The following NPL variants were observed in gnomAD, a reference collection of about 807,000 sequenced individuals.
NPL encodes N-acetylneuraminate lyase.
NPL carries 32 observed loss-of-function variants against 41.1 expected under a neutral mutation model. That is an observed-to-expected ratio of 0.78 (90% CI 0.59 to 1.05). The LOEUF (loss-of-function observed/expected upper bound fraction) is 1.05, where lower values mean the gene tolerates loss of function less well. Ranked by LOEUF, NPL falls within the 50% of genes least tolerant of loss-of-function variation. The pLI is 0.00. For missense variants in NPL, 321 were observed against 378.4 expected (o/e 0.85, Z 1.26); for synonymous variants, 128 against 134.9 (o/e 0.95, Z 0.35).
rs1026929823 is a variant in NPL at position 182,829,637 on chromosome 1, G to C, written c.*729G>C. On this transcript the variant is annotated 3_prime_UTR_variant, in exon 13 of 13. Coordinates refer to ENST00000367553, the MANE Select transcript of NPL (RefSeq NM_030769.3). ...AACTCAAAGTTTCAAAGAACCAAAG[G>C]ACTCTTCCTCTGGGCACCACAAACT... The C allele has an allele frequency of 6.4e-7, 1 of 1,550,448 alleles. No homozygotes were observed. Among genetic ancestry groups the C allele is most frequent in the African/African-American group, 1.4e-5 (1 of 73,028 alleles).
At chr1:182,816,484 G>A (rs1224353163) in intron 7 of NPL, among the ~76,000 whole-genome samples, 1 of 152,124 alleles carries the variant, frequency 6.6e-6, no homozygotes, top group African/African-American at 2.4e-5. Flanking sequence ...AGTTTAGTAT[G>A]GTAGGAGAAT....
intron 11 of NPL, among the ~76,000 whole-genome samples, chr1:182,824,831 C>T (rs1667589605): frequency 6.6e-6 from 1 of 151,970 alleles, no homozygotes; most frequent in Non-Finnish European, 1.5e-5. Flanking sequence ...TTAAAAGATG[C>T]ATGAGGCTCT....
intron 2 of NPL, among the ~76,000 whole-genome samples, chr1:182,793,842 G>A (rs1411560626): frequency 6.6e-6 from 1 of 152,134 alleles, no homozygotes; most frequent in East Asian, 1.9e-4. Context: ...GAAGTGTGCA[G>A]GTCCATTTAC....
intron 7 of NPL, 89 bp downstream of exon 7, chr1:182,814,947 T>A: frequency 9.5e-7 from 1 of 1,055,782 alleles, no homozygotes; most frequent in Non-Finnish European, 1.5e-6. Context: ...TTTGTGAAAG[T>A]AAAGCACTAT....
chr1:182,814,916 A>G, intron 7 of NPL, 58 bp downstream of exon 7: 2 of 1,345,050 alleles, frequency 1.5e-6, no homozygotes, highest in East Asian at 2.3e-5. Flanking sequence ...TCTTGCCTCC[A>G]TTCAAAATGG....
At chr1:182,807,720 CAA>C (rs753955697) in intron 5 of NPL, among the ~76,000 whole-genome samples, 51 of 55,436 alleles carry the variant, frequency 9.2e-4, no homozygotes, top group African/African-American at 2.4e-3. Flanking sequence ...ACTAAAAATA[CAA>C]AAAAAAAAAA....
In NPL at chr1:182,816,799, G is replaced by A. The variant is rs753787767; in HGVS notation, c.450G>A (p.Gly150=). 4 of 1,610,090 alleles carry A rather than the reference G, an allele frequency of 2.5e-6. No homozygotes were observed. Among genetic ancestry groups the A allele is most frequent in the South Asian group, 2.2e-5 (2 of 91,018 alleles). ...ACTATCACATTCCTGCCTTGACAGG[G>A]GTAAAGAGTAAGTACTGCTTCTGTT... ...FYYYHIPALT[G]VKIRAEELLD... is the part of the protein sequence containing the mutation. The change falls in exon 8 of 13, where the codon GGG becomes GGA. Residue 150 remains glycine (G), a synonymous_variant. Coordinates refer to ENST00000367553, the MANE Select transcript of NPL (RefSeq NM_030769.3).
At position 182,829,810 on chromosome 1, in the gene NPL, G is replaced by A; in HGVS notation, c.*902G>A. 3.1e-6 allele frequency: 2 copies of A among 636,130 alleles called. No homozygotes were observed. Among genetic ancestry groups the A allele is most frequent in the East Asian group, 2.8e-5 (1 of 36,024 alleles). 39.4% of individuals were successfully genotyped at this position (636,130 alleles called of 1,614,324 possible). On this transcript the variant is annotated 3_prime_UTR_variant, in exon 13 of 13. Coordinates refer to ENST00000367553, the MANE Select transcript of NPL (RefSeq NM_030769.3). ...TAGTGACTTTTGTTTAGTGATAGAA[G>A]ATTTGGGGAGGACCCAAAGGACTCA...
chr1:182,827,034 T>C (rs1667649125), intron 12 of NPL: 1 of 152,186 alleles, frequency 6.6e-6, no homozygotes, highest in Non-Finnish European at 1.5e-5. Flanking sequence ...AGTCTCTCTG[T>C]CTGTCTCTCA....
rs1480586178 is a variant in NPL at position 182,806,218 on chromosome 1, A to G, written c.216A>G (p.Thr72=). 6.2e-7 allele frequency: 1 copy of G among 1,614,196 alleles called. No individual in the cohort carries two copies. Among genetic ancestry groups the G allele is most frequent in the South Asian group, 1.1e-5 (1 of 91,084 alleles). ...ERRQVAEEWV[T]KGKDKLDQVI... Reference sequence around the variant, plus strand: ...GCCAGGTTGCAGAGGAGTGGGTGACAAAAGGGAAGGACAAGTGAGTGGCTG... The same window carrying G: ...GCCAGGTTGCAGAGGAGTGGGTGACGAAAGGGAAGGACAAGTGAGTGGCTG... Residue 72 remains threonine, a synonymous_variant, in exon 5 of 13, where the codon ACA becomes ACG. Coordinates refer to ENST00000367553, the MANE Select transcript of NPL (RefSeq NM_030769.3).
At chr1:182,816,691 G>A (rs1351236998) in intron 7 of NPL, 23 bp from the exon 8 acceptor site, 1 of 1,560,392 alleles carries the variant, frequency 6.4e-7, no homozygotes. Flanking sequence ...TTCACACCAT[G>A]ACTGTTCCTA....
intron 2 of NPL, 135 bp from the exon 3 acceptor site, chr1:182,794,221 A>G (rs1293323555): frequency 1.2e-6 from 1 of 816,230 alleles, no homozygotes; most frequent in African/African-American, 1.7e-5. Context: ...AAATTTTACC[A>G]TCTTGTACTT....
Position 182,828,654 on chromosome 1 carries a change from CCTT to C in NPL, c.779-66_779-64del, listed in dbSNP as rs1667691515. 6.2e-7 allele frequency: 1 copy of C among 1,605,302 alleles called. No homozygotes were observed. Among genetic ancestry groups the C allele is most frequent in the East Asian group, 2.2e-5 (1 of 44,774 alleles). On this transcript the variant is annotated intron_variant, in intron 12 of 12. Coordinates refer to ENST00000367553, the MANE Select transcript of NPL (RefSeq NM_030769.3). This position sits in a 1 kb window ranked among gnomAD's most constrained non-coding sequence, Gnocchi z 4.0. Reference sequence around the variant, plus strand: ...AGTAGTTGCTGTTAGCATATGATCTCCTTCTTTGGGATTTTTGTGGAGAGATAG... The same window carrying C: ...AGTAGTTGCTGTTAGCATATGATCTCCTTTGGGATTTTTGTGGAGAGATAG...
intron 3 of NPL, among the ~76,000 whole-genome samples, chr1:182,797,034 C>CAAAAAAAAAAAAAAAAA (rs59582125): frequency 1.0e-5 from 1 of 96,018 alleles, no homozygotes; most frequent in African/African-American, 3.6e-5. Context: ...GAATATGTCT[C>CAAAAAAAAAAAAAAAAA]AAAAAAAAAA....
chr1:182,825,723 A>T (rs1476984014), intron 11 of NPL, 58 bp from the exon 12 acceptor site: 2 of 1,168,114 alleles, frequency 1.7e-6, no homozygotes, highest in Admixed American at 3.4e-5. Flanking sequence ...CTTCTACATT[A>T]TTTACATTGT....
chr1:182,820,879 C>T (rs769590960), intron 10 of NPL, among the ~76,000 whole-genome samples: 3 of 152,212 alleles, frequency 2.0e-5, no homozygotes, highest in African/African-American at 2.4e-5. Context: ...CAAACCATAT[C>T]ACCATTAAAC....
In NPL at chr1:182,828,395, G is replaced by A. The variant is rs1450761509; in HGVS notation, c.779-329G>A. Among the ~76,000 whole-genome samples, 2 of 152,196 alleles carry A rather than the reference G, an allele frequency of 1.3e-5. No individual in the cohort carries two copies. Among genetic ancestry groups the A allele is most frequent in the East Asian group, 3.9e-4 (2 of 5,176 alleles). ...TTCCTAAATCAGATTATCCTCAAGGGCTGTTTGGCATCAGCTTCTCCTCAC... is the reference window on the plus strand; with the variant it reads ...TTCCTAAATCAGATTATCCTCAAGGACTGTTTGGCATCAGCTTCTCCTCAC... On this transcript the variant is annotated intron_variant, in intron 12 of 12. Transcript: ENST00000367553. The surrounding 1 kb of genome is among the most constrained non-coding windows in gnomAD (Gnocchi z 4.0).
At chr1:182,806,515 C>T (rs936680509) in intron 5 of NPL, 17 of 1,536,110 alleles carry the variant, frequency 1.1e-5, no homozygotes, top group Middle Eastern at 1.7e-4. Flanking sequence ...CACAGTTACC[C>T]GTCTTTGGGC....
intron 4 of NPL, among the ~76,000 whole-genome samples, chr1:182,804,809 A>T (rs1168839562): frequency 6.6e-6 from 1 of 152,214 alleles, no homozygotes; most frequent in Admixed American, 6.5e-5. Flanking sequence ...GCCACAGGTC[A>T]AAACTGAGAC....
Sources: gnomAD v4.1 joint callset for allele counts (sites outside exome capture counted in the v4.1 genomes callset) on GRCh38, gnomAD v4.1.1 for gene constraint, Gnocchi (gnomAD v3.1) non-coding constraint, MANE v1.5 for transcripts, NCBI Gene and HGNC (gene_info 2026-07-23, HGNC 2026-07-21) for gene names.